Variants in CEP290 observed in about 807,000 individuals in gnomAD.
The protein encoded by CEP290 is centrosomal protein 290.
Under a neutral mutation model 344.9 loss-of-function variants are expected in CEP290, and 317 were observed. The observed-to-expected ratio is 0.92, with a 90% CI of 0.84 to 1.01. The LOEUF (loss-of-function observed/expected upper bound fraction) is 1.01, where lower values mean the gene tolerates loss of function less well. Ranked by LOEUF, CEP290 falls within the 50% of genes least tolerant of loss-of-function variation. The pLI is 0.00. For synonymous variants in CEP290, 932 were observed against 895.8 expected (o/e 1.04, Z -0.72); for missense variants, 2,754 against 2,761.4 (o/e 1.00, Z 0.06).
chr12:88,072,692 T>C (rs532531351), intron 41 of CEP290, among the ~76,000 whole-genome samples: 4 of 152,258 alleles, frequency 2.6e-5, no homozygotes, highest in Admixed American at 1.3e-4. Flanking sequence ...CAATGCACAT[T>C]ACTTCACTCA....
At chr12:88,053,258 A>G (rs2136616634) in intron 52 of CEP290, among the ~76,000 whole-genome samples, 1 of 152,256 alleles carries the variant, frequency 6.6e-6, no homozygotes, top group East Asian at 1.9e-4. Flanking sequence ...TTTTCTTTTT[A>G]CTTTGTAAAC....
At chr12:88,113,401 A>G (rs1048711967) in intron 20 of CEP290, among the ~76,000 whole-genome samples, 1 of 152,138 alleles carries the variant, frequency 6.6e-6, no homozygotes, top group Non-Finnish European at 1.5e-5. Context: ...TCAGTATGAG[A>G]AAGATATAAT....
At chr12:88,116,015 C>T in intron 18 of CEP290, 1 of 985,256 alleles carries the variant, frequency 1.0e-6, no homozygotes. Context: ...GTGATTTATC[C>T]ATGTCAGCTC....
At chr12:88,077,439 C>A in intron 40 of CEP290, 95 bp from the exon 41 acceptor site, 1 of 836,568 alleles carries the variant, frequency 1.2e-6, no homozygotes, top group Non-Finnish European at 1.8e-6. Context: ...CTTTCTGAAG[C>A]TATCACTGAC....
chr12:88,130,582 GA>G lies in CEP290; in HGVS notation c.496-18del. The G allele has an allele frequency of 6.4e-7, 1 of 1,555,980 alleles. No individual in the cohort carries two copies. Among genetic ancestry groups the G allele is most frequent in the Non-Finnish European group, 8.7e-7 (1 of 1,154,708 alleles). On this transcript the variant is annotated intron_variant, in intron 7 of 53. Coordinates refer to ENST00000552810, the MANE Select transcript of CEP290 (RefSeq NM_025114.4). The stretch of plus-strand genomic sequence containing the variant: ...ACGTTTGTTCTACAGAAAAGGACAG[GA>G]AAACGGTAATTAGAAATGAGAAAGG...
rs1161234355 is a variant in CEP290, at chr12:88,077,841, T to C, written c.5442A>G (p.Ser1814=). The change falls in exon 40 of 54, where the codon TCA becomes TCG. Residue 1814 remains serine, a synonymous_variant. Coordinates refer to ENST00000552810, the MANE Select transcript of CEP290 (RefSeq NM_025114.4). ...TTAAGTCATTCAAATTATCAGTTAG[T>C]GAGTTTTCTCTGTTTTTACTTGTTT... The part of the protein sequence containing the change: ...ALKTSKNREN[S]LTDNLNDLNN... The C allele has an allele frequency of 3.3e-6, 5 of 1,496,068 alleles. No homozygotes were observed. The East Asian group carries it at 6.9e-5, about 21-fold the overall frequency. 92.7% of individuals were successfully genotyped at this position (1,496,068 alleles called of 1,614,324 possible).
At chr12:88,120,603 G>C (rs533032039) in intron 14 of CEP290, among the ~76,000 whole-genome samples, 1 of 152,318 alleles carries the variant, frequency 6.6e-6, no homozygotes, top group East Asian at 1.9e-4. Context: ...GTCATTAGTT[G>C]CTTGAATTAG....
Position 88,096,971 on chromosome 12 carries a change from A to G in CEP290, c.3020T>C (p.Val1007Ala), listed in dbSNP as rs898733071. 15 of 1,564,916 alleles carry G rather than the reference A, an allele frequency of 9.6e-6. No individual in the cohort carries two copies. Among genetic ancestry groups the G allele is most frequent in the Non-Finnish European group, 1.2e-5 (14 of 1,152,278 alleles). ...ECENISLKEQ[V>A]ESINKELEIT... ...CTCCAGTTCTTTATTTATAGACTCCACTTGTTCTTTTAAGGAGATGTTTTC... is the reference window on the plus strand; with the variant it reads ...CTCCAGTTCTTTATTTATAGACTCCGCTTGTTCTTTTAAGGAGATGTTTTC... The change falls in exon 27 of 54, where the codon GTG (valine) becomes GCG (alanine). Residue 1007 changes from valine (V) to alanine (A), a missense_variant. By Grantham distance (64) the Val-to-Ala change is moderately conservative. Transcript: ENST00000552810.
At chr12:88,111,524 G>A (rs1008723079) in intron 21 of CEP290, among the ~76,000 whole-genome samples, 170 bp downstream of exon 21, 15 of 151,938 alleles carry the variant, frequency 9.9e-5, no homozygotes, top group African/African-American at 3.4e-4. Flanking sequence ...ATCTTATAAG[G>A]CACTTATTTT....
rs779748540 is a variant in CEP290, at chr12:88,063,949, T to C, written c.6270+32A>G. ...ACAACTAAGGAAGGAGTTTTAGGCA[T>C]TAGATTTCCTAATAAAAAACATTAA... On this transcript the variant is annotated intron_variant, in intron 45 of 53. Transcript: ENST00000552810. The C allele has an allele frequency of 3.9e-6, 6 of 1,553,946 alleles. No individual in the cohort carries two copies. The East Asian group carries it at 6.8e-5, about 18-fold the overall frequency.
At chr12:88,109,269 C>T (rs1242995525) in intron 22 of CEP290, 88 bp from the exon 23 acceptor site, 1 of 552,510 alleles carries the variant, frequency 1.8e-6, no homozygotes, top group Non-Finnish European at 3.2e-6. Flanking sequence ...ATTCTGACAA[C>T]ATTATAGGAA....
chr12:88,130,627 A>T (rs2040011735), intron 7 of CEP290, 62 bp from the exon 8 acceptor site: 1 of 1,424,878 alleles, frequency 7.0e-7, no homozygotes, highest in African/African-American at 1.5e-5. Flanking sequence ...AATTAAAAAT[A>T]ATAATCAGAA....
In CEP290 at chr12:88,049,344, A is replaced by G; in HGVS notation, c.7280T>C (p.Leu2427Pro). 6.3e-7 allele frequency: 1 copy of G among 1,581,274 alleles called. No individual in the cohort carries two copies. Among genetic ancestry groups the G allele is most frequent in the Non-Finnish European group, 8.6e-7 (1 of 1,159,580 alleles). Residue 2427 changes from leucine (L) to proline (P), a missense_variant, in exon 54 of 54, where the codon CTT becomes CCT. By Grantham distance (98) the Leu-to-Pro change is moderately conservative. Coordinates refer to ENST00000552810, the MANE Select transcript of CEP290 (RefSeq NM_025114.4). ...CACTTCTTCCTTGTAATTATACTTA[A>G]GATCTTCAATTTCTTCAAAAAATGA... ...DPSFFEEIED[L>P]KYNYKEEVKK...
chr12:88,089,010 A>T, intron 31 of CEP290, 22 bp downstream of exon 31: 1 of 1,480,398 alleles, frequency 6.8e-7, no homozygotes, highest in Non-Finnish European at 9.0e-7. Context: ...CTTAAAAAAA[A>T]AAATCAAGTT....
intron 28 of CEP290, among the ~76,000 whole-genome samples, chr12:88,093,230 T>C (rs1327809168): frequency 1.3e-5 from 2 of 152,136 alleles, no homozygotes; most frequent in South Asian, 2.1e-4. Flanking sequence ...AAAAATGATA[T>C]AAATGCTTTG....
At chr12:88,122,230 C>T (rs1489914684) in intron 13 of CEP290, among the ~76,000 whole-genome samples, 4 of 152,016 alleles carry the variant, frequency 2.6e-5, no homozygotes, top group Non-Finnish European at 5.9e-5. Flanking sequence ...ATCTATTCTC[C>T]TATCATTCTT....
chr12:88,067,852 T>C (rs1375214648), intron 44 of CEP290, among the ~76,000 whole-genome samples: 2 of 152,190 alleles, frequency 1.3e-5, no homozygotes, highest in East Asian at 1.9e-4. Flanking sequence ...TGTAATACCA[T>C]AGAATATTTC....
At chr12:88,139,280 C>A (rs1054130165) in intron 4 of CEP290, 89 bp from the exon 5 acceptor site, 22 of 629,536 alleles carry the variant, frequency 3.5e-5, no homozygotes, top group Non-Finnish European at 4.6e-5. Context: ...AAAATTAATT[C>A]TTTTAAAAGA....
intron 1 of CEP290, 118 bp from the exon 2 acceptor site, chr12:88,141,452 C>A (rs1250067583): frequency 1.0e-5 from 5 of 480,060 alleles, no homozygotes; most frequent in African/African-American, 4.1e-5. Flanking sequence ...GCAAAACAGA[C>A]AATTGGGCCA....
Sources: gnomAD v4.1 joint callset for allele counts (sites outside exome capture counted in the v4.1 genomes callset) on GRCh38, gnomAD v4.1.1 for gene constraint, MANE v1.5 for transcripts, NCBI Gene and HGNC (gene_info 2026-07-23, HGNC 2026-07-21) for gene names.